Variants in NTRK2 observed in about 807,000 individuals in gnomAD.
NTRK2 encodes BDNF/NT-3 growth factors receptor.
A neutral mutation model predicts 94.5 loss-of-function variants in NTRK2; 13 were observed. The ratio of observed to expected loss-of-function variants is 0.14; its 90% CI spans 0.09 to 0.22. The LOEUF is 0.22. NTRK2 is among the 10% of genes least tolerant of loss of function. The pLI is 1.00. For synonymous variants in NTRK2, 372 were observed against 407.4 expected, an observed-to-expected ratio of 0.91 and a Z score of 1.05; for missense variants, 639 against 1,071.2, an observed-to-expected ratio of 0.60 and a Z score of 5.63.
chr9:84,786,552 A>C (rs1315206108), intron 12 of NTRK2, among the ~76,000 whole-genome samples: 1 of 152,148 alleles, frequency 6.6e-6, no homozygotes. Flanking sequence ...AAAATAGGAT[A>C]TGTTGTTTTC....
chr9:84,791,539 G>A (rs941394867), intron 12 of NTRK2, among the ~76,000 whole-genome samples: 1 of 152,078 alleles, frequency 6.6e-6, no homozygotes, highest in African/African-American at 2.4e-5. Flanking sequence ...TTGGGGGTGG[G>A]GGGCACAGAC....
intron 17 of NTRK2, among the ~76,000 whole-genome samples, chr9:84,961,431 C>G (rs1824912894): frequency 3.3e-5 from 5 of 152,174 alleles, no homozygotes; most frequent in Admixed American, 3.3e-4. Flanking sequence ...ACTTAGAGCA[C>G]AGTTCAGAGG....
chr9:84,946,309 G>A (rs1461039714), intron 15 of NTRK2, among the ~76,000 whole-genome samples: 1 of 152,182 alleles, frequency 6.6e-6, no homozygotes, highest in Non-Finnish European at 1.5e-5. Context: ...CTCCCTCTCT[G>A]ACCTCTCTTG....
intron 17 of NTRK2, among the ~76,000 whole-genome samples, chr9:85,008,677 G>A (rs1265259272): frequency 1.3e-5 from 2 of 152,188 alleles, no homozygotes; most frequent in Non-Finnish European, 2.9e-5. Context: ...CACATGGAAA[G>A]TCGTTGTAAT....
intron 2 of NTRK2, among the ~76,000 whole-genome samples, chr9:84,681,642 A>G (rs2059397888): frequency 6.6e-6 from 1 of 152,152 alleles, no homozygotes; most frequent in Non-Finnish European, 1.5e-5. Context: ...TCTTTTGCCT[A>G]AAATGCTGCA....
At chr9:84,972,783 T>C (rs1476635583) in intron 17 of NTRK2, among the ~76,000 whole-genome samples, 1 of 152,238 alleles carries the variant, frequency 6.6e-6, no homozygotes, top group Admixed American at 6.5e-5. Context: ...TCCTTATAAC[T>C]CAAAGATTCC....
intron 12 of NTRK2, among the ~76,000 whole-genome samples, chr9:84,834,588 C>G (rs1047705083): frequency 1.3e-5 from 2 of 152,126 alleles, no homozygotes; most frequent in Non-Finnish European, 2.9e-5. Context: ...CTTTCCATTT[C>G]AAATCGGAGG....
chr9:84,767,303 T>C (rs1262382879), intron 12 of NTRK2, among the ~76,000 whole-genome samples: 1 of 152,216 alleles, frequency 6.6e-6, no homozygotes, highest in Non-Finnish European at 1.5e-5. Context: ...TTATTTTTCC[T>C]CCTCACAATG....
intron 12 of NTRK2, among the ~76,000 whole-genome samples, chr9:84,755,618 A>T (rs559106720): frequency 1.1e-4 from 14 of 131,892 alleles, no homozygotes; most frequent in South Asian, 2.4e-4. Flanking sequence ...GTCTCAGGGT[A>T]TGTAGGTTTT....
At position 84,870,331 on chromosome 9, in the gene NTRK2, G is replaced by GTGTGTGTGTGTGTATATATA. The variant is rs1349303529; in HGVS notation, c.1633+2901_1633+2902insGTGTGTGTGTGTATATATAT. On this transcript the variant is annotated intron_variant, in intron 14 of 18. Transcript: ENST00000277120. The stretch of plus-strand genomic sequence containing the variant: ...ATACATATATGTGGGGTGTGTGTGT[G>GTGTGTGTGTGTGTATATATA]TATATATATATATATATATATATAT... Among the ~76,000 whole-genome samples the GTGTGTGTGTGTGTATATATA allele has an allele frequency of 1.8e-3, 56 of 31,172 alleles. 1 individual carries two copies. In the South Asian group the frequency reaches 0.03, roughly 17 times the overall value. 20.5% of individuals were successfully genotyped at this position (31,172 alleles called of 152,430 possible).
chr9:84,814,484 C>A (rs2072168351), intron 12 of NTRK2: 1 of 1,065,836 alleles, frequency 9.4e-7, no homozygotes, highest in African/African-American at 1.6e-5. Context: ...ACCCCATGAC[C>A]AACTGAGAAT....
intron 11 of NTRK2, among the ~76,000 whole-genome samples, chr9:84,751,061 G>A (rs1393089474): frequency 6.6e-6 from 1 of 152,126 alleles, no homozygotes; most frequent in Non-Finnish European, 1.5e-5. Context: ...ATGGGAAAAT[G>A]CACATATCAT....
chr9:84,829,349 C>T (rs2073388991), intron 12 of NTRK2, among the ~76,000 whole-genome samples: 2 of 152,096 alleles, frequency 1.3e-5, no homozygotes, highest in African/African-American at 4.8e-5. Flanking sequence ...GTCTTCAGGT[C>T]ATATGAATTT....
intron 12 of NTRK2, among the ~76,000 whole-genome samples, chr9:84,789,171 G>A (rs1187272): frequency 0.58 from 88,285 of 151,950 alleles, 27,280 homozygotes; most frequent in South Asian, 0.68. Context: ...TGGCACGCAG[G>A]GGGAGAGAAG....
rs546851312 is a variant in NTRK2, at chr9:85,021,463, C to A, written c.*26C>A. On this transcript the variant is annotated 3_prime_UTR_variant, in exon 19 of 19. Coordinates refer to ENST00000277120, the MANE Select transcript of NTRK2 (RefSeq NM_006180.6). ...GGCCCTTTTCCCCAGACCGATCCTT[C>A]CCAACGTACTCCTCAGACGGGCTGA... is the stretch of plus-strand genomic sequence containing the variant. The A allele has an allele frequency of 6.2e-7, 1 of 1,610,856 alleles. No homozygotes were observed. Among genetic ancestry groups the A allele is most frequent in the East Asian group, 2.2e-5 (1 of 44,864 alleles).
At chr9:84,756,954 A>G (rs1035264209) in intron 12 of NTRK2, among the ~76,000 whole-genome samples, 4 of 152,214 alleles carry the variant, frequency 2.6e-5, no homozygotes, top group African/African-American at 9.6e-5. Context: ...ATAGTCATAA[A>G]CATAGCGGGG....
At chr9:84,956,850 G>T (rs577291938) in intron 17 of NTRK2, among the ~76,000 whole-genome samples, 3 of 147,280 alleles carry the variant, frequency 2.0e-5, no homozygotes, top group African/African-American at 7.5e-5. Context: ...GTTTTGTGGT[G>T]TTTTTTTTTT....
At chr9:84,796,465 C>A (rs889173050) in intron 12 of NTRK2, among the ~76,000 whole-genome samples, 1 of 152,118 alleles carries the variant, frequency 6.6e-6, no homozygotes, top group South Asian at 2.1e-4. Context: ...TATATTGGAT[C>A]CTTTCCATCC....
rs775212415 is a variant in NTRK2 at position 84,912,653 on chromosome 9, C to G, written c.1634-21509C>G. On this transcript the variant is annotated intron_variant, in intron 14 of 18. Coordinates refer to ENST00000277120, the MANE Select transcript of NTRK2 (RefSeq NM_006180.6). ...TTTTTTTATGAGATGGAGTCTCACTCTGTCACCCAGGCTGGAGTGCAGTGG... is the reference window on the plus strand; with the variant it reads ...TTTTTTTATGAGATGGAGTCTCACTGTGTCACCCAGGCTGGAGTGCAGTGG... Among the ~76,000 whole-genome samples the G allele has an allele frequency of 7.3e-4, 91 of 125,122 alleles. No individual in the cohort carries two copies. The Middle Eastern group carries it at 0.028, about 39-fold the overall frequency. The allele number at this position is 125,122 out of a possible 152,430, so 82.1% of individuals were successfully genotyped here.
Sources: allele counts gnomAD v4.1 joint callset (sites outside exome capture counted in the v4.1 genomes callset), GRCh38; gene constraint gnomAD v4.1.1; transcripts MANE v1.5; gene names NCBI Gene and HGNC (gene_info 2026-07-23, HGNC 2026-07-21).